ATP2C2: variants seen among roughly 807,000 people sequenced by gnomAD.
ATP2C2 encodes ATPase secretory pathway Ca2+ transporting 2, also known as calcium-transporting ATPase type 2C member 2.
In ATP2C2, 171 loss-of-function variants were observed where a neutral mutation model predicts 110.8. That is an observed-to-expected ratio of 1.54 (90% CI 1.36 to 1.75). The LOEUF (loss-of-function observed/expected upper bound fraction) is 1.75, where lower values mean the gene tolerates loss of function less well. Ranked by LOEUF, ATP2C2 falls within the 40% of genes most tolerant of loss-of-function variation. The pLI is 0.00. For synonymous variants in ATP2C2, 804 were observed against 508.4 expected (o/e 1.58, Z -7.82); for missense variants, 1,963 against 1,235.0 (o/e 1.59, Z -8.84).
chr16:84,447,384 T>C (rs1354700987), intron 16 of ATP2C2, among the ~76,000 whole-genome samples: 3 of 152,066 alleles, frequency 2.0e-5, no homozygotes, highest in Admixed American at 1.3e-4. Context: ...TATAGAAATA[T>C]GACATAAAAA....
Position 84,439,534 on chromosome 16 carries a change from A to G in ATP2C2, c.1209+10A>G. The G allele has an allele frequency of 1.2e-6, 2 of 1,613,302 alleles. No homozygotes were observed. The highest frequency in any genetic ancestry group is 1.7e-6 in the Non-Finnish European group (2 of 1,179,242). On this transcript the variant is annotated intron_variant, in intron 13 of 26. Transcript: ENST00000262429. ...TGGGCTTCGTGCCGAGGTGAGTGCC[A>G]AAGGAATTTACAAGCCTTAAGGATG...
At chr16:84,420,656 C>G (rs933744955) in intron 7 of ATP2C2, among the ~76,000 whole-genome samples, 1 of 152,054 alleles carries the variant, frequency 6.6e-6, no homozygotes, top group African/African-American at 2.4e-5. Context: ...TACCTTGAGT[C>G]TGTGACACTT....
At chr16:84,450,045 C>T (rs142164557) in intron 17 of ATP2C2, among the ~76,000 whole-genome samples, 184 of 152,356 alleles carry the variant, frequency 1.2e-3, no homozygotes, top group African/African-American at 3.9e-3. Flanking sequence ...ATGTCTGCTG[C>T]GGAGCGTAAT....
intron 20 of ATP2C2, 88 bp downstream of exon 20, chr16:84,453,459 A>C (rs1816634382): frequency 6.5e-7 from 1 of 1,542,128 alleles, no homozygotes; most frequent in Non-Finnish European, 9.0e-7. Flanking sequence ...CCGTCGGGTG[A>C]CAGTGCAGGG....
At position 84,451,903 on chromosome 16, in the gene ATP2C2, C is replaced by T; in HGVS notation, c.1661-18C>T. The T allele has an allele frequency of 6.2e-7, 1 of 1,604,358 alleles. No homozygotes were observed. Among genetic ancestry groups the T allele is most frequent in the Non-Finnish European group, 8.5e-7 (1 of 1,177,054 alleles). ...CTAAGCCCCCGGTGACCCCTCCTTACTCCCCCTCTCTCCTCAGTGCTGGCC... is the reference window on the plus strand; with the variant it reads ...CTAAGCCCCCGGTGACCCCTCCTTATTCCCCCTCTCTCCTCAGTGCTGGCC... On this transcript the variant is annotated intron_variant, in intron 17 of 26. Transcript: ENST00000262429.
chr16:84,374,714 T>G (rs1020871068), intron 1 of ATP2C2, among the ~76,000 whole-genome samples: 1 of 152,138 alleles, frequency 6.6e-6, no homozygotes, highest in Non-Finnish European at 1.5e-5. Context: ...ACAAATTGTT[T>G]GTAGATTTGG....
Position 84,446,318 on chromosome 16 carries a change from T to C in ATP2C2, c.1402-11T>C, listed in dbSNP as rs139361392. On this transcript the variant is annotated splice_polypyrimidine_tract_variant and intron_variant, in intron 15 of 26. Transcript: ENST00000262429. Reference sequence around the variant, plus strand: ...ATGACTCACTAAAAATGTGTCATTTTATTATGCTAGATGGACTTAAGTGAT... The same window carrying C: ...ATGACTCACTAAAAATGTGTCATTTCATTATGCTAGATGGACTTAAGTGAT... 113 of 1,517,312 alleles carry C rather than the reference T, an allele frequency of 7.4e-5. 1 individual carries two copies. In the East Asian group the frequency reaches 2.5e-3, roughly 34 times the overall value. The allele number at this position is 1,517,312 out of a possible 1,614,324, so 94.0% of individuals were successfully genotyped here.
chr16:84,453,388 A>C lies in ATP2C2; in HGVS notation c.1980+17A>C, dbSNP rs1910487920. 1.9e-6 allele frequency: 3 copies of C among 1,613,990 alleles called. No homozygotes were observed. The South Asian group carries it at 3.3e-5, about 18-fold the overall frequency. ...ATCATCAAGGTTCGCTGGGCAAGGC[A>C]GGCACAGGCTGCGCTGCTGGGGCCG... On this transcript the variant is annotated intron_variant, in intron 20 of 26. Coordinates refer to ENST00000262429, the MANE Select transcript of ATP2C2 (RefSeq NM_014861.4).
chr16:84,430,445 A>G (rs1908168143), intron 11 of ATP2C2, among the ~76,000 whole-genome samples: 1 of 152,162 alleles, frequency 6.6e-6, no homozygotes, highest in Non-Finnish European at 1.5e-5. Flanking sequence ...GTTTAAGACC[A>G]GGTTGGCCAA....
Position 84,460,711 on chromosome 16 carries a change from G to C in ATP2C2, c.2391G>C (p.Arg797=). 11 of 1,614,206 alleles carry C rather than the reference G, an allele frequency of 6.8e-6. No individual in the cohort carries two copies. Among genetic ancestry groups the C allele is most frequent in the Non-Finnish European group, 9.3e-6 (11 of 1,180,030 alleles). ...TCAGGCAGCCACCACGGAGTGTGCG[G>C]GACACCATCCTCAGCAGAGCCCTCA... ...DAFRQPPRSV[R]DTILSRALIL... is the part of the protein sequence containing the mutation. Residue 797 remains arginine, a synonymous_variant, in exon 24 of 27, where the codon CGG becomes CGC. Transcript: ENST00000262429.
At chr16:84,458,697 C>T (rs1490453719) in intron 21 of ATP2C2, among the ~76,000 whole-genome samples, 1 of 152,228 alleles carries the variant, frequency 6.6e-6, no homozygotes, top group Non-Finnish European at 1.5e-5. Context: ...TCAGCCTCCC[C>T]ATCCCTCCCT....
chr16:84,406,174 C>T (rs768123465), intron 3 of ATP2C2, among the ~76,000 whole-genome samples: 28 of 152,180 alleles, frequency 1.8e-4, no homozygotes, highest in Non-Finnish European at 3.4e-4. Context: ...GCCATCGGTG[C>T]TGGCGCGGTG....
intron 14 of ATP2C2, 133 bp from the exon 15 acceptor site, chr16:84,442,377 C>T (rs1909343423): frequency 1.0e-5 from 8 of 777,728 alleles, no homozygotes; most frequent in Admixed American, 6.1e-5. Context: ...TTTAAAAAGC[C>T]GGGACGCTGA....
chr16:84,412,778 C>G (rs10514604), intron 6 of ATP2C2, among the ~76,000 whole-genome samples: 74,613 of 151,780 alleles, frequency 0.49, 19,455 homozygotes, highest in Non-Finnish European at 0.59. Flanking sequence ...CCGAACATAC[C>G]TGGCTGCTCA....
chr16:84,410,220 G>T (rs1053816428), intron 4 of ATP2C2, among the ~76,000 whole-genome samples: 71 of 152,058 alleles, frequency 4.7e-4, no homozygotes, highest in African/African-American at 1.6e-3. Flanking sequence ...AAGAAAAAAG[G>T]CTGGGGTAAG....
intron 24 of ATP2C2, 67 bp downstream of exon 24, chr16:84,460,868 C>T (rs1350498129): frequency 1.9e-5 from 29 of 1,515,124 alleles, no homozygotes; most frequent in Non-Finnish European, 2.6e-5. Flanking sequence ...GGACTGCAGT[C>T]CCTGCCCTCC....
At chr16:84,371,816 A>T (rs894280812) in intron 1 of ATP2C2, among the ~76,000 whole-genome samples, 5 of 152,170 alleles carry the variant, frequency 3.3e-5, no homozygotes, top group Non-Finnish European at 7.4e-5. Flanking sequence ...CATTCAACCT[A>T]GATTCACGGA....
At chr16:84,434,596 C>G (rs1253353227) in intron 11 of ATP2C2, among the ~76,000 whole-genome samples, 3 of 151,626 alleles carry the variant, frequency 2.0e-5, no homozygotes, top group Non-Finnish European at 2.9e-5. Context: ...CGGCTCACTG[C>G]AAGCTCCGCC....
At chr16:84,432,348 A>G (rs1489074594) in intron 11 of ATP2C2, among the ~76,000 whole-genome samples, 2 of 152,116 alleles carry the variant, frequency 1.3e-5, no homozygotes. Context: ...TACACGTGCC[A>G]TGGTGGTTTG....
Sources: gnomAD v4.1 joint callset for allele counts (sites outside exome capture counted in the v4.1 genomes callset) on GRCh38, gnomAD v4.1.1 for gene constraint, MANE v1.5 for transcripts, NCBI Gene and HGNC (gene_info 2026-07-23, HGNC 2026-07-21) for gene names.